PITPNC1: variants seen among roughly 807,000 people sequenced by gnomAD.
PITPNC1 encodes the protein phosphatidylinositol transfer protein cytoplasmic 1, also known as cytoplasmic phosphatidylinositol transfer protein 1.
Under a neutral mutation model 44.7 loss-of-function variants are expected in PITPNC1, and 18 were observed. The ratio of observed to expected loss-of-function variants is 0.40; its 90% CI spans 0.28 to 0.60. The LOEUF is 0.60. PITPNC1 is among the 20% of genes least tolerant of loss of function. The pLI, the probability that PITPNC1 is intolerant of heterozygous loss-of-function variation, is 0.39. For missense variants in PITPNC1, 290 were observed against 418.4 expected, an observed-to-expected ratio of 0.69 and a Z score of 2.68; for synonymous variants, 141 against 149.6, an observed-to-expected ratio of 0.94 and a Z score of 0.42.
In PITPNC1 at chr17:67,437,104, G is replaced by A. The variant is rs181616270; in HGVS notation, c.48+58902G>A. Among the ~76,000 whole-genome samples the A allele has an allele frequency of 2.2e-3, 330 of 151,582 alleles. 2 individuals are homozygous for A. Among genetic ancestry groups the A allele is most frequent in the African/African-American group, 7.5e-3 (310 of 41,298 alleles). ...CTGGCTAATTTTTGCATTTTTAGTG[G>A]AGACAGGGTTTCGCCATGTTGCCCA... On this transcript the variant is annotated intron_variant, in intron 1 of 8. Coordinates refer to ENST00000581322, the MANE Select transcript of PITPNC1 (RefSeq NM_012417.4).
At chr17:67,391,489 A>T (rs2038138920) in intron 1 of PITPNC1, among the ~76,000 whole-genome samples, 1 of 151,852 alleles carries the variant, frequency 6.6e-6, no homozygotes, top group South Asian at 2.1e-4. Flanking sequence ...TTATTTATTT[A>T]TTTATTTTTG....
intron 1 of PITPNC1, among the ~76,000 whole-genome samples, chr17:67,432,927 T>A (rs572300565): frequency 6.6e-6 from 1 of 152,284 alleles, no homozygotes; most frequent in South Asian, 2.1e-4. Flanking sequence ...GCCCTCAAGG[T>A]GCTTATATTC....
intron 1 of PITPNC1, among the ~76,000 whole-genome samples, chr17:67,436,878 C>A (rs2038943773): frequency 7.0e-6 from 1 of 143,520 alleles, no homozygotes; most frequent in South Asian, 2.3e-4. Context: ...CCTGGAACCT[C>A]AGAATCTGAT....
intron 2 of PITPNC1, among the ~76,000 whole-genome samples, chr17:67,549,489 G>A (rs1331667298): frequency 6.6e-6 from 1 of 152,188 alleles, no homozygotes; most frequent in Non-Finnish European, 1.5e-5. Context: ...TCCTATATAA[G>A]TTGGTGGCTG....
chr17:67,575,829 TCC>T, intron 4 of PITPNC1, among the ~76,000 whole-genome samples: 1 of 80,930 alleles, frequency 1.2e-5, no homozygotes. Context: ...TTTCCTTCCT[TCC>T]TTCCTTCCTT....
At chr17:67,607,364 C>G (rs938444962) in intron 5 of PITPNC1, among the ~76,000 whole-genome samples, 2 of 152,208 alleles carry the variant, frequency 1.3e-5, no homozygotes, top group Non-Finnish European at 2.9e-5. Context: ...GGGACTGCCC[C>G]CCTTGGGCTC....
intron 6 of PITPNC1, among the ~76,000 whole-genome samples, chr17:67,642,823 C>T (rs1216364099): frequency 3.3e-5 from 5 of 152,070 alleles, no homozygotes; most frequent in Non-Finnish European, 7.4e-5. Flanking sequence ...CCAACTTCAT[C>T]CTAGAGAAAG....
intron 1 of PITPNC1, among the ~76,000 whole-genome samples, chr17:67,482,804 G>T (rs1390219353): frequency 6.6e-6 from 1 of 152,218 alleles, no homozygotes; most frequent in Non-Finnish European, 1.5e-5. Context: ...TAGGAATAAT[G>T]ATTTCTACAG....
At chr17:67,558,216 G>A (rs955424145) in intron 4 of PITPNC1, among the ~76,000 whole-genome samples, 5 of 151,996 alleles carry the variant, frequency 3.3e-5, no homozygotes, top group Admixed American at 6.6e-5. Flanking sequence ...GAGTGACTGC[G>A]TGTGTTTAGA....
intron 1 of PITPNC1, among the ~76,000 whole-genome samples, chr17:67,428,734 A>G (rs1210903228): frequency 6.6e-6 from 1 of 152,054 alleles, no homozygotes; most frequent in Non-Finnish European, 1.5e-5. Flanking sequence ...ACAGTCATTT[A>G]CCTGCAGTAA....
intron 1 of PITPNC1, among the ~76,000 whole-genome samples, chr17:67,431,086 T>C (rs1262620509): frequency 1.5e-5 from 2 of 136,932 alleles, no homozygotes; most frequent in East Asian, 4.1e-4. Flanking sequence ...TGCGATGGAA[T>C]ATTGCTCTGT....
At chr17:67,387,979 G>A (rs1259597699) in intron 1 of PITPNC1, among the ~76,000 whole-genome samples, 1 of 152,210 alleles carries the variant, frequency 6.6e-6, no homozygotes, top group Middle Eastern at 3.2e-3. Context: ...GCTTGTGGCT[G>A]CCATACTGGA....
intron 5 of PITPNC1, among the ~76,000 whole-genome samples, chr17:67,618,655 G>A (rs562521402): frequency 1.3e-5 from 2 of 152,180 alleles, no homozygotes; most frequent in South Asian, 4.1e-4. Flanking sequence ...AGGAGACTGA[G>A]GCAGGAGAAT....
At chr17:67,652,367 C>T (rs117459066) in intron 6 of PITPNC1, among the ~76,000 whole-genome samples, 4,670 of 152,270 alleles carry the variant, frequency 0.031, 105 homozygotes, top group Middle Eastern at 0.082. Flanking sequence ...GCCCTTTGCT[C>T]TGCCTTGTCC....
At chr17:67,394,895 G>A (rs1168687701) in intron 1 of PITPNC1, among the ~76,000 whole-genome samples, 3 of 149,530 alleles carry the variant, frequency 2.0e-5, no homozygotes, top group African/African-American at 7.4e-5. Flanking sequence ...ACCCCGTCTC[G>A]AGGAAAAAAA....
At position 67,610,043 on chromosome 17, in the gene PITPNC1, A is replaced by G. The variant is rs552663173; in HGVS notation, c.367-22100A>G. On this transcript the variant is annotated intron_variant, in intron 5 of 8. Transcript: ENST00000581322. ...TCATTTTCACAGTGACTGGCACCCA[A>G]GACCTTCTGTCGCCCGGCCACTACT... Among the ~76,000 whole-genome samples the G allele has an allele frequency of 7.2e-5, 11 of 152,278 alleles. No homozygotes were observed. In the South Asian group the frequency reaches 2.3e-3, roughly 32 times the overall value.
At chr17:67,378,966 G>T in intron 1 of PITPNC1, 1 of 985,200 alleles carries the variant, frequency 1.0e-6, no homozygotes, top group Non-Finnish European at 1.2e-6. Context: ...GCGGGGGCTC[G>T]TCCTCCAAGC....
intron 5 of PITPNC1, among the ~76,000 whole-genome samples, chr17:67,594,065 A>G (rs1254550361): frequency 6.6e-6 from 1 of 152,200 alleles, no homozygotes; most frequent in East Asian, 1.9e-4. Context: ...GGAATCTGCC[A>G]AAAGCTAGCA....
At chr17:67,584,531 T>C (rs2041284481) in intron 5 of PITPNC1, among the ~76,000 whole-genome samples, 1 of 152,078 alleles carries the variant, frequency 6.6e-6, no homozygotes, top group Non-Finnish European at 1.5e-5. Flanking sequence ...TAAGGCTTGG[T>C]TTCTTTATTT....
Sources: gnomAD v4.1 joint callset for allele counts (sites outside exome capture counted in the v4.1 genomes callset) on GRCh38, gnomAD v4.1.1 for gene constraint, MANE v1.5 for transcripts, NCBI Gene and HGNC (gene_info 2026-07-23, HGNC 2026-07-21) for gene names.